Variants in STAG1 observed in about 807,000 individuals in gnomAD.
The protein encoded by STAG1 is STAG1 cohesin complex component, also known as cohesin subunit SA-1.
A neutral mutation model predicts 170.9 loss-of-function variants in STAG1; 26 were observed. The observed-to-expected ratio is 0.15, with a 90% CI of 0.11 to 0.21. The LOEUF (loss-of-function observed/expected upper bound fraction) is 0.21, where lower values mean the gene tolerates loss of function less well. Among genes scored for constraint, STAG1 ranks in the 10% least tolerant of loss-of-function variants. The pLI, the probability that STAG1 is intolerant of heterozygous loss-of-function variation, is 1.00. For missense variants in STAG1, 964 were observed against 1,509.5 expected (o/e 0.64, Z 5.99); for synonymous variants, 514 against 497.7 (o/e 1.03, Z -0.44).
At chr3:136,691,066 G>C (rs980723409) in intron 1 of STAG1, among the ~76,000 whole-genome samples, 2 of 151,956 alleles carry the variant, frequency 1.3e-5, no homozygotes, top group Admixed American at 1.3e-4. Context: ...GGAAAGCCAA[G>C]GCGGGTGGAA....
chr3:136,716,110 T>C (rs939780033), intron 1 of STAG1, among the ~76,000 whole-genome samples: 1 of 149,956 alleles, frequency 6.7e-6, no homozygotes, highest in South Asian at 2.1e-4. Context: ...AAAATAATAA[T>C]AAAAATTAAA....
intron 1 of STAG1, among the ~76,000 whole-genome samples, chr3:136,702,255 T>A (rs910523851): frequency 2.6e-5 from 4 of 152,150 alleles, no homozygotes; most frequent in Middle Eastern, 3.4e-3. Flanking sequence ...CCAAAGTGCT[T>A]TTACATTTAT....
In STAG1 at chr3:136,579,958, A is replaced by ATTTTTTTTTTTTTTTTTTTTTTTT. The variant is rs749325884; in HGVS notation, c.298-11121_298-11098dup. ...CTATTTTGGTCACAATACCATCTGA[A>ATTTTTTTTTTTTTTTTTTTTTTTT]TTTTTTTTTTTTTTTTTTTTTTTTT... On this transcript the variant is annotated intron_variant, in intron 4 of 33. Coordinates refer to ENST00000383202, the MANE Select transcript of STAG1 (RefSeq NM_005862.3). Among the ~76,000 whole-genome samples, 23 of 73,646 alleles carry ATTTTTTTTTTTTTTTTTTTTTTTT rather than the reference A, an allele frequency of 3.1e-4. 5 individuals carry two copies. The highest frequency in any genetic ancestry group is 4.4e-4 in the Non-Finnish European group (18 of 41,054). The allele number at this position is 73,646 out of a possible 152,430, so 48.3% of individuals were successfully genotyped here. A position where few individuals can be genotyped will look rare whatever the true frequency, so the allele number is the denominator to read the frequency against.
chr3:136,485,433 G>C (rs1023888971), intron 9 of STAG1, among the ~76,000 whole-genome samples: 6 of 152,004 alleles, frequency 3.9e-5, no homozygotes, highest in Admixed American at 3.9e-4. Flanking sequence ...CTCCAGCCTG[G>C]GTGACAGAGT....
chr3:136,477,563 T>A, intron 9 of STAG1, 151 bp from the exon 10 acceptor site: 1 of 650,468 alleles, frequency 1.5e-6, no homozygotes, highest in South Asian at 3.4e-5. Context: ...CTGTTTTTCA[T>A]GTTTTCTATA....
chr3:136,386,860 AAACT>A (rs1470823316), intron 22 of STAG1, among the ~76,000 whole-genome samples: 1 of 152,232 alleles, frequency 6.6e-6, no homozygotes, highest in Non-Finnish European at 1.5e-5. Flanking sequence ...AGCCATGGAA[AAACT>A]AATTAGTAAA....
In STAG1 at chr3:136,524,563, T is replaced by C. The variant is rs548159969; in HGVS notation, c.472-3146A>G. 1.8e-4 allele frequency among the ~76,000 whole-genome samples: 27 copies of C among 152,344 alleles called. No homozygotes were observed. The South Asian group carries it at 3.1e-3, about 18-fold the overall frequency. On this transcript the variant is annotated intron_variant, in intron 6 of 33. Coordinates refer to ENST00000383202, the MANE Select transcript of STAG1 (RefSeq NM_005862.3). ...CAAACAGGGACAATTTGACTTCCTC[T>C]TCTCCTAATTGAATACCCTTTATTT...
At chr3:136,614,581 A>G (rs1483318596) in intron 3 of STAG1, among the ~76,000 whole-genome samples, 1 of 152,246 alleles carries the variant, frequency 6.6e-6, no homozygotes, top group Non-Finnish European at 1.5e-5. Context: ...AAAATGATGC[A>G]ATCTAATCTC....
chr3:136,560,966 C>G (rs1401318490), intron 5 of STAG1, among the ~76,000 whole-genome samples: 1 of 151,778 alleles, frequency 6.6e-6, no homozygotes, highest in African/African-American at 2.4e-5. Flanking sequence ...TCCTGCCTTT[C>G]CTTGCTCTCT....
At chr3:136,596,495 A>G (rs1938435064) in intron 4 of STAG1, among the ~76,000 whole-genome samples, 1 of 152,234 alleles carries the variant, frequency 6.6e-6, no homozygotes, top group African/African-American at 2.4e-5. Flanking sequence ...AGGAAGCCAA[A>G]AAGTTTGTAT....
At chr3:136,719,611 G>C (rs905649655) in intron 1 of STAG1, among the ~76,000 whole-genome samples, 2 of 140,290 alleles carry the variant, frequency 1.4e-5, no homozygotes, top group Non-Finnish European at 3.1e-5. Context: ...GGATGGGTGG[G>C]TGGGTAGGTG....
chr3:136,495,200 C>T (rs1418216477), intron 9 of STAG1, among the ~76,000 whole-genome samples: 2 of 152,154 alleles, frequency 1.3e-5, no homozygotes, highest in Non-Finnish European at 2.9e-5. Context: ...GGGAAAGATA[C>T]TTTGTCATTA....
chr3:136,600,695 C>A (rs1576651869), intron 4 of STAG1, among the ~76,000 whole-genome samples: 1 of 152,012 alleles, frequency 6.6e-6, no homozygotes, highest in East Asian at 1.9e-4. Context: ...CCATGCCCAG[C>A]TAATTTTTTT....
chr3:136,510,510 G>A (rs997687747), intron 7 of STAG1, among the ~76,000 whole-genome samples: 2 of 151,860 alleles, frequency 1.3e-5, no homozygotes, highest in Non-Finnish European at 1.5e-5. Context: ...GGCTGGTCTC[G>A]AATGATCTGC....
intron 1 of STAG1, among the ~76,000 whole-genome samples, chr3:136,702,139 CAG>C (rs1943099348): frequency 2.2e-5 from 2 of 89,768 alleles, no homozygotes; most frequent in African/African-American, 1.3e-4. Flanking sequence ...GACAGAGAGA[CAG>C]AGAGACAGAG....
At chr3:136,419,337 T>A (rs930375233) in intron 20 of STAG1, among the ~76,000 whole-genome samples, 1 of 152,190 alleles carries the variant, frequency 6.6e-6, no homozygotes, top group Non-Finnish European at 1.5e-5. Flanking sequence ...ATATTCAAAC[T>A]CTCTTTGGAC....
chr3:136,551,238 A>T (rs1295901606), intron 5 of STAG1, among the ~76,000 whole-genome samples: 6 of 144,966 alleles, frequency 4.1e-5, no homozygotes, highest in Non-Finnish European at 6.0e-5. Flanking sequence ...AGAGAGAGAG[A>T]GAGAGAGAGA....
At chr3:136,571,006 T>A (rs1432829884) in intron 4 of STAG1, among the ~76,000 whole-genome samples, 5 of 152,150 alleles carry the variant, frequency 3.3e-5, no homozygotes, top group Non-Finnish European at 7.3e-5. Flanking sequence ...AAGCTCAGGA[T>A]GATGGTGAAA....
In STAG1 at chr3:136,464,084, T is replaced by C. The variant is rs894513027; in HGVS notation, c.1313+797A>G. The stretch of plus-strand genomic sequence containing the variant: ...TTTAAAAAAAATTAAACTGCAACTA[T>C]ATATATATAAAACTTTCAGAATTAC... On this transcript the variant is annotated intron_variant, in intron 13 of 33. Transcript: ENST00000383202. 3.3e-5 allele frequency among the ~76,000 whole-genome samples: 5 copies of C among 151,628 alleles called. No homozygotes were observed. In the South Asian group the frequency reaches 6.2e-4, roughly 19 times the overall value.
Sources: gnomAD v4.1 joint callset for allele counts (sites outside exome capture counted in the v4.1 genomes callset) on GRCh38, gnomAD v4.1.1 for gene constraint, MANE v1.5 for transcripts, NCBI Gene and HGNC (gene_info 2026-07-23, HGNC 2026-07-21) for gene names.